COL19A1: variants seen among roughly 807,000 people sequenced by gnomAD.
COL19A1 encodes collagen alpha-1(XIX) chain.
A neutral mutation model predicts 190.2 loss-of-function variants in COL19A1; 159 were observed. The observed-to-expected ratio is 0.84, with a 90% CI of 0.73 to 0.95. The LOEUF (loss-of-function observed/expected upper bound fraction) is 0.95. Ranked by LOEUF, COL19A1 falls within the 40% of genes least tolerant of loss-of-function variation. The probability of loss-of-function intolerance (pLI) is 0.00; values close to 1 mark genes in which losing one functional copy is unlikely to be tolerated. For missense variants in COL19A1, 1,418 were observed against 1,431.9 expected (o/e 0.99, Z 0.16); for synonymous variants, 509 against 458.9 (o/e 1.11, Z -1.39).
chr6:69,935,689 A>T (rs1773054575), intron 7 of COL19A1, among the ~76,000 whole-genome samples: 1 of 149,662 alleles, frequency 6.7e-6, no homozygotes, highest in African/African-American at 2.5e-5. Flanking sequence ...TTATCAAAGA[A>T]TTCAACTACT....
chr6:70,049,936 G>A (rs1192618541), intron 14 of COL19A1, among the ~76,000 whole-genome samples: 4 of 151,876 alleles, frequency 2.6e-5, no homozygotes, highest in African/African-American at 9.7e-5. Context: ...TATATTAAAT[G>A]GAACTAAAAA....
At chr6:70,148,129 T>C (rs1479153943) in intron 27 of COL19A1, among the ~76,000 whole-genome samples, 2 of 152,110 alleles carry the variant, frequency 1.3e-5, no homozygotes, top group African/African-American at 4.8e-5. Context: ...TGGGATTTTA[T>C]AGAGGCTTCA....
At chr6:70,042,311 C>T (rs1056794247) in intron 14 of COL19A1, among the ~76,000 whole-genome samples, 3 of 152,082 alleles carry the variant, frequency 2.0e-5, no homozygotes, top group Non-Finnish European at 4.4e-5. Flanking sequence ...GGTTCGGTTC[C>T]GTACCACTGC....
chr6:70,173,493 T>G (rs1002575052), intron 41 of COL19A1, among the ~76,000 whole-genome samples: 1 of 152,104 alleles, frequency 6.6e-6, no homozygotes, highest in African/African-American at 2.4e-5. Flanking sequence ...CAAGAGAGAA[T>G]AATGAATCAA....
intron 17 of COL19A1, among the ~76,000 whole-genome samples, chr6:70,123,840 T>C (rs945599338): frequency 1.3e-4 from 19 of 146,208 alleles, no homozygotes; most frequent in Admixed American, 6.1e-4. Flanking sequence ...AGGGATAGCA[T>C]TGGGAGATAC....
intron 11 of COL19A1, among the ~76,000 whole-genome samples, chr6:69,995,943 G>A (rs892903454): frequency 6.6e-6 from 1 of 152,126 alleles, no homozygotes; most frequent in Admixed American, 6.6e-5. Context: ...TTAGTTGAAA[G>A]AATTACGAAC....
chr6:70,016,695 G>A (rs1452060360), intron 11 of COL19A1, among the ~76,000 whole-genome samples: 1 of 151,500 alleles, frequency 6.6e-6, no homozygotes, highest in Non-Finnish European at 1.5e-5. Flanking sequence ...CAAATAAGAA[G>A]GCAAACTAAA....
intron 17 of COL19A1, among the ~76,000 whole-genome samples, chr6:70,122,963 T>C (rs79163073): frequency 0.038 from 5,854 of 152,274 alleles, 151 homozygotes; most frequent in Non-Finnish European, 0.06. Flanking sequence ...ATCTCCTTTA[T>C]TTAGGTTTTC....
intron 48 of COL19A1, among the ~76,000 whole-genome samples, chr6:70,197,533 C>T (rs1178091115): frequency 2.0e-5 from 3 of 152,014 alleles, no homozygotes; most frequent in Non-Finnish European, 2.9e-5. Flanking sequence ...TGTAATGCCC[C>T]AAGTTCATAA....
intron 15 of COL19A1, among the ~76,000 whole-genome samples, chr6:70,101,643 T>G (rs1051254852): frequency 1.4e-4 from 22 of 152,264 alleles, no homozygotes; most frequent in African/African-American, 5.1e-4. Flanking sequence ...AGCATAAAAA[T>G]TATCTGAAGT....
intron 11 of COL19A1, among the ~76,000 whole-genome samples, chr6:70,022,649 C>T (rs80207433): frequency 0.099 from 15,128 of 152,182 alleles, 811 homozygotes; most frequent in East Asian, 0.2. Context: ...AGTGACCATT[C>T]TGAACATTTG....
intron 4 of COL19A1, among the ~76,000 whole-genome samples, chr6:69,918,597 A>G (rs1404075904): frequency 6.6e-6 from 1 of 152,086 alleles, no homozygotes; most frequent in Non-Finnish European, 1.5e-5. Context: ...TCCCAGCTAC[A>G]TAGGAGGCTG....
intron 9 of COL19A1, among the ~76,000 whole-genome samples, chr6:69,941,631 T>A (rs1176868091): frequency 6.6e-6 from 1 of 152,108 alleles, no homozygotes; most frequent in African/African-American, 2.4e-5. Flanking sequence ...TTCAACTCTG[T>A]ATCTTTTATT....
At chr6:70,161,865 A>G (rs758310327) in intron 34 of COL19A1, 35 bp from the exon 35 acceptor site, 4 of 1,578,814 alleles carry the variant, frequency 2.5e-6, no homozygotes, top group East Asian at 4.5e-5. Flanking sequence ...TCCCAATGAT[A>G]TAACAGATTT....
At chr6:70,156,468 A>C in intron 33 of COL19A1, 99 bp downstream of exon 33, 1 of 923,114 alleles carries the variant, frequency 1.1e-6, no homozygotes, top group Non-Finnish European at 1.6e-6. Flanking sequence ...AATACATACT[A>C]TATATATATA....
rs191712640 is a variant in COL19A1 at position 70,044,473 on chromosome 6, C to G, written c.1170+8534C>G. On this transcript the variant is annotated intron_variant, in intron 14 of 50. Coordinates refer to ENST00000620364, the MANE Select transcript of COL19A1 (RefSeq NM_001858.6). ...TTGGTGTATCTCAGCTTTCAGTACA[C>G]TTTCCTCACTAAGTTTAATCATTTT... Among the ~76,000 whole-genome samples the G allele has an allele frequency of 2.0e-5, 3 of 152,330 alleles. No homozygotes were observed. In the East Asian group the frequency reaches 5.8e-4, roughly 29 times the overall value.
At chr6:70,146,926 C>A in intron 27 of COL19A1, 37 bp downstream of exon 27, 1 of 1,503,384 alleles carries the variant, frequency 6.7e-7, no homozygotes, top group Non-Finnish European at 8.9e-7. Flanking sequence ...TTGATTCCAA[C>A]ATTGTGAAAC....
chr6:70,163,415 A>G lies in COL19A1; in HGVS notation c.2400+19A>G. The G allele has an allele frequency of 1.2e-6, 2 of 1,607,572 alleles. 1 individual carries two copies. The highest frequency in any genetic ancestry group is 2.2e-5 in the South Asian group (2 of 90,110). ...TGAAAAGGTACAAAGGAAAAGCCTC[A>G]CTTACCATCCAAACTGGGGCTTGGA... On this transcript the variant is annotated intron_variant, in intron 36 of 50. Coordinates refer to ENST00000620364, the MANE Select transcript of COL19A1 (RefSeq NM_001858.6).
At chr6:69,897,222 A>G (rs1469474657) in intron 2 of COL19A1, among the ~76,000 whole-genome samples, 1 of 152,172 alleles carries the variant, frequency 6.6e-6, no homozygotes, top group African/African-American at 2.4e-5. Context: ...AGCACCGTTT[A>G]GTAAAATGAC....
Sources: gnomAD v4.1 joint callset for allele counts (sites outside exome capture counted in the v4.1 genomes callset) on GRCh38, gnomAD v4.1.1 for gene constraint, MANE v1.5 for transcripts, NCBI Gene and HGNC (gene_info 2026-07-23, HGNC 2026-07-21) for gene names.